The following OXR1 variants were observed in gnomAD, a reference collection of about 807,000 sequenced individuals.
The protein encoded by OXR1 is oxidation resistance 1.
Under a neutral mutation model 104.6 loss-of-function variants are expected in OXR1, and 41 were observed. That is an observed-to-expected ratio of 0.39 (90% CI 0.31 to 0.51). OXR1 has a LOEUF of 0.51. OXR1 is among the 20% of genes least tolerant of loss of function. OXR1 has a pLI of 0.77. For missense variants in OXR1, 955 were observed against 1,031.9 expected (o/e 0.93, Z 1.02); for synonymous variants, 348 against 348.4 (o/e 1.00, Z 0.01).
chr8:106,434,503 C>CT (rs1819495686), intron 2 of OXR1, among the ~76,000 whole-genome samples: 1 of 152,070 alleles, frequency 6.6e-6, no homozygotes, highest in Non-Finnish European at 1.5e-5. Flanking sequence ...AAGAAGCATA[C>CT]TTTATGGGTG....
intron 3 of OXR1, among the ~76,000 whole-genome samples, chr8:106,561,880 A>C (rs1816708700): frequency 6.6e-6 from 1 of 152,198 alleles, no homozygotes; most frequent in Non-Finnish European, 1.5e-5. Context: ...CCTGCAGCAG[A>C]GGGGCCTGTT....
intron 3 of OXR1, among the ~76,000 whole-genome samples, chr8:106,524,503 A>T (rs1039986488): frequency 3.3e-5 from 5 of 152,214 alleles, no homozygotes; most frequent in African/African-American, 9.6e-5. Flanking sequence ...CTGGACAGTT[A>T]GGAAATAGGA....
At chr8:106,519,402 C>T in intron 3 of OXR1, among the ~76,000 whole-genome samples, 1 of 152,300 alleles carries the variant, frequency 6.6e-6, no homozygotes, top group Middle Eastern at 3.4e-3. Flanking sequence ...CGTACATATA[C>T]GTACACATAT....
At chr8:106,291,123 G>T (rs1225494590) in intron 1 of OXR1, among the ~76,000 whole-genome samples, 1 of 152,104 alleles carries the variant, frequency 6.6e-6, no homozygotes, top group Non-Finnish European at 1.5e-5. Flanking sequence ...ATAAAAAAAT[G>T]GAATTATGTC....
intron 1 of OXR1, among the ~76,000 whole-genome samples, chr8:106,358,403 G>T (rs1470719743): frequency 6.6e-6 from 1 of 152,206 alleles, no homozygotes; most frequent in African/African-American, 2.4e-5. Flanking sequence ...CCAACTCCCT[G>T]AGACTGGGCT....
rs567211531 is a variant in OXR1, at chr8:106,339,345, A to G, written c.-138-20131A>G. ...CCTGTCTCTACTAAAAATACAAAAA[A>G]TCAGCCGGGCGTGGTGGCGAGCACC... On this transcript the variant is annotated intron_variant, in intron 1 of 16. Coordinates refer to ENST00000517566, the MANE Select transcript of OXR1 (RefSeq NM_001198533.2). 7.9e-5 allele frequency among the ~76,000 whole-genome samples: 12 copies of G among 151,090 alleles called. No homozygotes were observed. In the South Asian group the frequency reaches 2.3e-3, roughly 29 times the overall value.
Position 106,273,853 on chromosome 8 carries a change from G to A in OXR1, c.-139+3486G>A, listed in dbSNP as rs192727106. On this transcript the variant is annotated intron_variant, in intron 1 of 16. Transcript: ENST00000517566. ...AGAATTTCTAAAAGGTGAATCATATGCATATGTGCATGTGAGCTAAGTAAA... is the reference window on the plus strand; with the variant it reads ...AGAATTTCTAAAAGGTGAATCATATACATATGTGCATGTGAGCTAAGTAAA... Among the ~76,000 whole-genome samples the A allele has an allele frequency of 8.5e-5, 13 of 152,314 alleles. No individual in the cohort carries two copies. The East Asian group carries it at 2.5e-3, about 29-fold the overall frequency.
chr8:106,303,581 G>C (rs1046695275), intron 1 of OXR1, among the ~76,000 whole-genome samples: 6 of 151,894 alleles, frequency 4.0e-5, no homozygotes, highest in Non-Finnish European at 7.4e-5. Context: ...AATCATTCAA[G>C]GAAACCTACT....
intron 2 of OXR1, among the ~76,000 whole-genome samples, chr8:106,429,481 G>A (rs745606977): frequency 6.6e-5 from 10 of 151,976 alleles, no homozygotes; most frequent in Non-Finnish European, 1.5e-4. Context: ...CTAATATAGC[G>A]AAAACCTGTC....
At chr8:106,504,983 A>C (rs1415631574) in intron 2 of OXR1, among the ~76,000 whole-genome samples, 4 of 152,224 alleles carry the variant, frequency 2.6e-5, no homozygotes. Context: ...CATTAGCACA[A>C]TACCAATAAA....
chr8:106,493,366 C>CTTT (rs1204586995), intron 2 of OXR1, among the ~76,000 whole-genome samples: 1 of 152,066 alleles, frequency 6.6e-6, no homozygotes, highest in Non-Finnish European at 1.5e-5. Context: ...TATCTCTTAC[C>CTTT]TTTTCCCTTC....
intron 1 of OXR1, among the ~76,000 whole-genome samples, chr8:106,319,616 T>C (rs975409972): frequency 1.9e-4 from 29 of 152,286 alleles, no homozygotes; most frequent in African/African-American, 6.7e-4. Flanking sequence ...CACTTACCCT[T>C]TCAATGAGGA....
At chr8:106,584,239 G>T (rs1818459436) in intron 3 of OXR1, among the ~76,000 whole-genome samples, 1 of 151,654 alleles carries the variant, frequency 6.6e-6, no homozygotes, top group Non-Finnish European at 1.5e-5. Flanking sequence ...AAAAAGTAGA[G>T]AAACCTGAGG....
At chr8:106,361,758 GCTCT>G (rs1236434939) in intron 2 of OXR1, among the ~76,000 whole-genome samples, 4 of 151,926 alleles carry the variant, frequency 2.6e-5, no homozygotes. Context: ...CCCTCATCGG[GCTCT>G]CTGTTTTGAA....
chr8:106,396,682 T>TG (rs1455593503), intron 2 of OXR1, among the ~76,000 whole-genome samples: 1 of 152,028 alleles, frequency 6.6e-6, no homozygotes, highest in Non-Finnish European at 1.5e-5. Flanking sequence ...TTTATTAGGT[T>TG]GGTGCAAAAG....
intron 5 of OXR1, among the ~76,000 whole-genome samples, chr8:106,683,777 G>A (rs143688162): frequency 3.3e-5 from 5 of 152,082 alleles, no homozygotes; most frequent in Admixed American, 1.3e-4. Context: ...TTTTTCACGC[G>A]TGCATGGTAT....
At chr8:106,702,503 ATTAT>A (rs1379827499) in intron 7 of OXR1, among the ~76,000 whole-genome samples, 1 of 152,166 alleles carries the variant, frequency 6.6e-6, no homozygotes, top group Admixed American at 6.5e-5. Flanking sequence ...TATTATCAAC[ATTAT>A]TTATTGAGTC....
intron 3 of OXR1, among the ~76,000 whole-genome samples, chr8:106,563,229 C>G (rs1816806940): frequency 1.3e-5 from 2 of 148,844 alleles, no homozygotes; most frequent in East Asian, 4.0e-4. Context: ...AGACCCATCT[C>G]ACGTGCAAAG....
intron 4 of OXR1, among the ~76,000 whole-genome samples, chr8:106,679,542 C>T (rs1827939907): frequency 6.6e-6 from 1 of 151,800 alleles, no homozygotes; most frequent in Non-Finnish European, 1.5e-5. Context: ...GAGAGAGTTC[C>T]CATGGGCCAA....
Sources: gnomAD v4.1 joint callset for allele counts (sites outside exome capture counted in the v4.1 genomes callset) on GRCh38, gnomAD v4.1.1 for gene constraint, MANE v1.5 for transcripts, NCBI Gene and HGNC (gene_info 2026-07-23, HGNC 2026-07-21) for gene names.